ABCA1: variants seen among roughly 807,000 people sequenced by gnomAD.
The protein encoded by ABCA1 is phospholipid-transporting ATPase ABCA1.
ABCA1 carries 133 observed loss-of-function variants against 262.5 expected under a neutral mutation model. That is an observed-to-expected ratio of 0.51 (90% confidence interval 0.44 to 0.59). ABCA1 has a LOEUF of 0.59. Among genes scored for constraint, ABCA1 ranks in the 20% least tolerant of loss-of-function variants. ABCA1 has a pLI of 0.00. For synonymous variants in ABCA1, 1,022 were observed against 1,043.5 expected, an observed-to-expected ratio of 0.98 and a Z score of 0.40; for missense variants, 2,452 against 2,777.5, an observed-to-expected ratio of 0.88 and a Z score of 2.63.
intron 42 of ABCA1, 108 bp downstream of exon 42, chr9:104,792,678 T>C: frequency 1.4e-6 from 2 of 1,421,380 alleles, no homozygotes; most frequent in Admixed American, 3.4e-5. Context: ...TAGATGTACA[T>C]TTTGGGAACA....
rs769977280 is a variant in ABCA1 at position 104,832,615 on chromosome 9, C to T, written c.1468G>A (p.Glu490Lys). The T allele has an allele frequency of 1.4e-5, 23 of 1,614,058 alleles. No individual in the cohort carries two copies. The highest frequency in any genetic ancestry group is 2.2e-5 in the East Asian group (1 of 44,894). Reference sequence around the variant, plus strand: ...ATGGTCCGGATTGCCTGGTTAGTCTCGTTGAAAGCTTCTCTCCAGGTGTAC... The same window carrying T: ...ATGGTCCGGATTGCCTGGTTAGTCTTGTTGAAAGCTTCTCTCCAGGTGTAC... Reference protein sequence around the residue: ...SVYTWREAFNETNQAIRTISR... With the variant: ...SVYTWREAFNKTNQAIRTISR... Residue 490 changes from glutamate to lysine, a missense_variant, in exon 12 of 50, where the codon GAG (glutamate) becomes AAG (lysine). Glu to Lys is a moderately conservative substitution (Grantham distance 56, BLOSUM62 1). This residue lies in a region of ABCA1 where 1,032 missense variants were observed against 1,089.7 expected (regional missense o/e 0.95). Coordinates refer to ENST00000374736, the MANE Select transcript of ABCA1 (RefSeq NM_005502.4).
At chr9:104,827,238 G>T in intron 15 of ABCA1, 69 bp from the exon 16 acceptor site, 1 of 1,338,468 alleles carries the variant, frequency 7.5e-7, no homozygotes, top group Non-Finnish European at 1.1e-6. Flanking sequence ...ATGATCTACA[G>T]AAAAAAGACA....
At chr9:104,818,930 T>C in intron 22 of ABCA1, 47 bp from the exon 23 acceptor site, 1 of 1,525,094 alleles carries the variant, frequency 6.6e-7, no homozygotes, top group Non-Finnish European at 9.0e-7. Flanking sequence ...GGCCTCTCAG[T>C]TCTGATTTGT....
chr9:104,837,133 G>C, intron 10 of ABCA1, 37 bp from the exon 11 acceptor site: 1 of 1,208,006 alleles, frequency 8.3e-7, no homozygotes, highest in Non-Finnish European at 1.1e-6. Context: ...CGCAGAAAAA[G>C]GAGGAGAAGC....
intron 1 of ABCA1, among the ~76,000 whole-genome samples, chr9:104,906,972 C>A (rs1168258494): frequency 1.3e-5 from 2 of 152,082 alleles, no homozygotes; most frequent in African/African-American, 4.8e-5. Context: ...TCACAGAGCA[C>A]CCAAAGTTAC....
chr9:104,837,814 A>G (rs889811332), intron 9 of ABCA1, among the ~76,000 whole-genome samples: 1 of 152,250 alleles, frequency 6.6e-6, no homozygotes, highest in African/African-American at 2.4e-5. Flanking sequence ...ATGATGCTTG[A>G]TAAATAATCA....
rs141006151 is a variant in ABCA1, at chr9:104,814,458, G to C, written c.3756C>G (p.Ala1252=). The C allele has an allele frequency of 2.0e-5, 33 of 1,613,996 alleles. No homozygotes were observed. Among genetic ancestry groups the C allele is most frequent in the Middle Eastern group, 3.3e-4 (2 of 6,062 alleles). The part of the protein sequence containing the change: ...TTLEEIFLKV[A]EESGVDAETS... ...TCTCAGCATCCACCCCACTCTCTTCGGCCACCTTGAGGAATATCTGGAAAA... is the reference window on the plus strand; with the variant it reads ...TCTCAGCATCCACCCCACTCTCTTCCGCCACCTTGAGGAATATCTGGAAAA... The change falls in exon 26 of 50, where the codon GCC becomes GCG. Residue 1252 remains alanine, a synonymous_variant. Coordinates refer to ENST00000374736, the MANE Select transcript of ABCA1 (RefSeq NM_005502.4).
Position 104,903,609 on chromosome 9 carries a change from C to T in ABCA1, c.66+5G>A. 1 of 1,583,502 alleles carries T rather than the reference C, an allele frequency of 6.3e-7. No homozygotes were observed. The highest frequency in any genetic ancestry group is 8.6e-7 in the Non-Finnish European group (1 of 1,163,990). ...ACCCCCCGCTGCTGAAAAACCCAAG[C>T]TTACTGTTTGTCTTCTTCTGAAAGT... On this transcript the variant is annotated splice_donor_5th_base_variant and intron_variant, in intron 2 of 49. Transcript: ENST00000374736.
At chr9:104,871,072 C>T (rs1156523257) in intron 5 of ABCA1, among the ~76,000 whole-genome samples, 1 of 152,198 alleles carries the variant, frequency 6.6e-6, no homozygotes. Flanking sequence ...GATGCGATGG[C>T]TTGGCTTGGG....
chr9:104,885,568 G>A (rs1839096391), intron 3 of ABCA1, among the ~76,000 whole-genome samples: 1 of 152,154 alleles, frequency 6.6e-6, no homozygotes, highest in Non-Finnish European at 1.5e-5. Context: ...AAAACAATGA[G>A]GCCCCATGCA....
intron 22 of ABCA1, 147 bp from the exon 23 acceptor site, chr9:104,819,030 T>A (rs1832031734): frequency 1.3e-6 from 1 of 770,972 alleles, no homozygotes; most frequent in Non-Finnish European, 2.3e-6. Context: ...CTATGACCCC[T>A]AGAATGGCAA....
intron 28 of ABCA1, among the ~76,000 whole-genome samples, chr9:104,811,935 T>A (rs1014182786): frequency 6.6e-6 from 1 of 152,216 alleles, no homozygotes; most frequent in Non-Finnish European, 1.5e-5. Context: ...CATCATCAAA[T>A]GAAAGACTCT....
rs200447864 is a variant in ABCA1, at chr9:104,827,048, G to C, written c.2237C>G (p.Ala746Gly). 2 of 1,614,220 alleles carry C rather than the reference G, an allele frequency of 1.2e-6. No homozygotes were observed. Among genetic ancestry groups the C allele is most frequent in the East Asian group, 4.5e-5 (2 of 44,888 alleles). ...ISTLFSRANL[A>G]AACGGIIYFT... is the part of the protein sequence containing the mutation. ...GTAGATGATGCCCCCACAGGCTGCT[G>C]CCAGGTTGGCTCTGGAGAAGAGTGT... is the stretch of plus-strand genomic sequence containing the variant. Residue 746 changes from alanine (A) to glycine (G), a missense_variant, in exon 16 of 50, where the codon GCA becomes GGA. This residue lies in a region of ABCA1 where 1,032 missense variants were observed against 1,089.7 expected (regional missense o/e 0.95). Transcript: ENST00000374736.
chr9:104,903,690 C>G lies in ABCA1; in HGVS notation c.-11G>C, dbSNP rs1195949415. 6.4e-7 allele frequency: 1 copy of G among 1,573,388 alleles called. No homozygotes were observed. Among genetic ancestry groups the G allele is most frequent in the Non-Finnish European group, 8.6e-7 (1 of 1,158,828 alleles). Reference sequence around the variant, plus strand: ...AGGCCAACAAGCCATGTTCCCTCAGCCAGCACCCCCAGCGTGTGGCTCGGG... The same window carrying G: ...AGGCCAACAAGCCATGTTCCCTCAGGCAGCACCCCCAGCGTGTGGCTCGGG... On this transcript the variant is annotated 5_prime_UTR_variant, in exon 2 of 50. Transcript: ENST00000374736.
At chr9:104,922,972 C>T (rs1037906955) in intron 1 of ABCA1, among the ~76,000 whole-genome samples, 2 of 152,170 alleles carry the variant, frequency 1.3e-5, no homozygotes, top group Non-Finnish European at 2.9e-5. Context: ...CTGCTTTGGC[C>T]TCCCAAAGTG....
chr9:104,873,368 G>C (rs1161350428), intron 5 of ABCA1, among the ~76,000 whole-genome samples: 1 of 152,210 alleles, frequency 6.6e-6, no homozygotes, highest in Non-Finnish European at 1.5e-5. Flanking sequence ...GACAGAAAAT[G>C]AGAAGTGGCT....
intron 1 of ABCA1, among the ~76,000 whole-genome samples, chr9:104,922,370 A>G (rs1242950364): frequency 6.6e-6 from 1 of 152,186 alleles, no homozygotes; most frequent in Non-Finnish European, 1.5e-5. Flanking sequence ...TCATTTGTCA[A>G]AACTTTGATA....
In ABCA1 at chr9:104,827,082, G is replaced by T; in HGVS notation, c.2203C>A (p.Leu735Met). 6.2e-7 allele frequency: 1 copy of T among 1,614,148 alleles called. No individual in the cohort carries two copies. The highest frequency in any genetic ancestry group is 1.1e-5 in the South Asian group (1 of 91,084). The change falls in exon 16 of 50, where the codon CTG (leucine) becomes ATG (methionine). Residue 735 changes from leucine (L) to methionine (M), a missense_variant. By Grantham distance (15) the Leu-to-Met change is conservative (BLOSUM62 2). Coordinates refer to ENST00000374736, the MANE Select transcript of ABCA1 (RefSeq NM_005502.4). The stretch of plus-strand genomic sequence containing the variant: ...GCTCTGGAGAAGAGTGTGCTAATCA[G>T]GAAGCACTGCAGGATTGTCACCACA... ...FAVVTILQCF[L>M]ISTLFSRANL... is the part of the protein sequence containing the mutation.
chr9:104,866,102 A>T (rs1414395512), intron 5 of ABCA1, among the ~76,000 whole-genome samples: 1 of 152,124 alleles, frequency 6.6e-6, no homozygotes, highest in Non-Finnish European at 1.5e-5. Context: ...AAGGGGTAAG[A>T]CCTCTCATGA....
Sources: allele counts gnomAD v4.1 joint callset (sites outside exome capture counted in the v4.1 genomes callset), GRCh38; gene constraint gnomAD v4.1.1; regional missense constraint gnomAD v4.1.1; transcripts MANE v1.5; gene names NCBI Gene and HGNC (gene_info 2026-07-23, HGNC 2026-07-21).